Variants in KIAA1217 observed in about 807,000 individuals in gnomAD.
KIAA1217 encodes the protein sickle tail protein homolog.
KIAA1217 carries 88 observed loss-of-function variants against 163.9 expected under a neutral mutation model. The observed-to-expected ratio is 0.54, with a 90% confidence interval of 0.45 to 0.64. KIAA1217 has a LOEUF of 0.64. Ranked by LOEUF, KIAA1217 falls within the 30% of genes least tolerant of loss-of-function variation. The pLI is 0.00. For missense variants in KIAA1217, 2,372 were observed against 2,475.0 expected, an observed-to-expected ratio of 0.96 and a Z score of 0.88; for synonymous variants, 903 against 923.1, an observed-to-expected ratio of 0.98 and a Z score of 0.39.
At chr10:24,375,724 C>G (rs1330886501) in intron 2 of KIAA1217, among the ~76,000 whole-genome samples, 1 of 151,982 alleles carries the variant, frequency 6.6e-6, no homozygotes, top group African/African-American at 2.4e-5. Flanking sequence ...TTTCAAATGC[C>G]CTGTGGCAAA....
chr10:23,758,168 C>A (rs980357832), intron 1 of KIAA1217, among the ~76,000 whole-genome samples: 1 of 152,044 alleles, frequency 6.6e-6, no homozygotes, highest in Non-Finnish European at 1.5e-5. Context: ...ATGTTTTCTT[C>A]GAAGAGTTTT....
rs114959107 is a variant in KIAA1217, at chr10:23,735,927, C to T, written c.-321+40693C>T. 7.6e-3 allele frequency among the ~76,000 whole-genome samples: 1,154 copies of T among 152,308 alleles called. 16 individuals are homozygous for T. Among genetic ancestry groups the T allele is most frequent in the African/African-American group, 0.026 (1,096 of 41,554 alleles). On this transcript the variant is annotated intron_variant, in intron 1 of 18. Coordinates refer to the KIAA1217 transcript ENST00000376462. ...ATTCCCAGAAGTTTTCTCATGAACACATATTTCATTCTCTCTTGATTAAAT... is the reference window on the plus strand; with the variant it reads ...ATTCCCAGAAGTTTTCTCATGAACATATATTTCATTCTCTCTTGATTAAAT...
intron 2 of KIAA1217, among the ~76,000 whole-genome samples, chr10:24,293,402 G>T (rs2079301653): frequency 6.6e-6 from 1 of 152,122 alleles, no homozygotes; most frequent in South Asian, 2.1e-4. Flanking sequence ...ATAACCAAAT[G>T]AACTCTCTTG....
intron 5 of KIAA1217, among the ~76,000 whole-genome samples, chr10:24,455,061 A>G (rs2061663505): frequency 6.6e-6 from 1 of 151,724 alleles, no homozygotes; most frequent in Non-Finnish European, 1.5e-5. Context: ...ACCTCGGGCT[A>G]TAATTATGTT....
intron 1 of KIAA1217, among the ~76,000 whole-genome samples, chr10:23,924,480 G>A (rs567253969): frequency 2.6e-5 from 4 of 152,278 alleles, no homozygotes; most frequent in East Asian, 3.9e-4. Context: ...AGATGATACC[G>A]ATTTTGTGAC....
intron 2 of KIAA1217, among the ~76,000 whole-genome samples, chr10:24,173,053 G>A (rs2065706592): frequency 6.6e-6 from 1 of 152,178 alleles, no homozygotes; most frequent in African/African-American, 2.4e-5. Context: ...AGGGGTGAGT[G>A]GCAGGCCAGC....
intron 2 of KIAA1217, among the ~76,000 whole-genome samples, chr10:24,222,287 C>T (rs2069762348): frequency 6.6e-6 from 1 of 152,198 alleles, no homozygotes; most frequent in Non-Finnish European, 1.5e-5. Flanking sequence ...ATGAACAAGT[C>T]ACATTCTATC....
intron 1 of KIAA1217, among the ~76,000 whole-genome samples, chr10:23,891,791 C>T (rs1419419003): frequency 6.6e-6 from 1 of 151,692 alleles, no homozygotes; most frequent in Non-Finnish European, 1.5e-5. Context: ...AAATTTATTT[C>T]TCTCTGAATT....
At chr10:24,167,848 G>A (rs1036883625) in intron 2 of KIAA1217, among the ~76,000 whole-genome samples, 2 of 152,140 alleles carry the variant, frequency 1.3e-5, no homozygotes, top group Admixed American at 1.3e-4. Context: ...TTGGCATCTG[G>A]CAAAGTCCTT....
chr10:24,266,014 T>G (rs1466225262), intron 2 of KIAA1217, among the ~76,000 whole-genome samples: 1 of 151,964 alleles, frequency 6.6e-6, no homozygotes, highest in Non-Finnish European at 1.5e-5. Flanking sequence ...AGATACTTTG[T>G]TTTATACAGA....
intron 2 of KIAA1217, among the ~76,000 whole-genome samples, chr10:24,090,317 C>A (rs796165788): frequency 6.9e-6 from 1 of 144,742 alleles, no homozygotes; most frequent in African/African-American, 2.6e-5. Flanking sequence ...CAGGCATGCA[C>A]CCTCACATCC....
chr10:24,028,649 A>T (rs770551993), intron 2 of KIAA1217, among the ~76,000 whole-genome samples: 2 of 152,140 alleles, frequency 1.3e-5, no homozygotes, highest in Non-Finnish European at 2.9e-5. Context: ...CTTCAAAGGG[A>T]AATGTATTAT....
At chr10:24,209,338 G>C in intron 1 of KIAA1217, 75 bp downstream of exon 1, 1 of 1,073,256 alleles carries the variant, frequency 9.3e-7, no homozygotes, top group South Asian at 1.4e-5. Context: ...TTTATAAACT[G>C]CAGCTCTGGG....
At chr10:23,776,679 C>CT (rs34656346) in intron 1 of KIAA1217, among the ~76,000 whole-genome samples, 22,266 of 117,832 alleles carry the variant, frequency 0.19, 2,674 homozygotes, top group Middle Eastern at 0.22. Context: ...ACTGTGGGTA[C>CT]TTTTTTTTTT....
chr10:24,136,496 T>C (rs2063836808), intron 2 of KIAA1217, among the ~76,000 whole-genome samples: 1 of 152,062 alleles, frequency 6.6e-6, no homozygotes, highest in African/African-American at 2.4e-5. Flanking sequence ...GACTATAAAA[T>C]ATGAAGGCTA....
At chr10:24,493,317 T>C (rs12265701) in intron 6 of KIAA1217, among the ~76,000 whole-genome samples, 35,042 of 152,156 alleles carry the variant, frequency 0.23, 4,350 homozygotes, top group South Asian at 0.38. Context: ...CTCAGGCTCA[T>C]GCAAGGACAC....
At chr10:23,864,523 A>ACACAC in intron 1 of KIAA1217, among the ~76,000 whole-genome samples, 1 of 147,346 alleles carries the variant, frequency 6.8e-6, no homozygotes, top group South Asian at 2.2e-4. Flanking sequence ...TACACACACC[A>ACACAC]ACACACACAC....
chr10:23,841,702 C>G (rs1409101183), intron 1 of KIAA1217, among the ~76,000 whole-genome samples: 3 of 151,776 alleles, frequency 2.0e-5, no homozygotes, highest in African/African-American at 7.3e-5. Flanking sequence ...AACAGAAAAG[C>G]AGCTTAAATT....
chr10:24,390,935 T>C (rs1340309115), intron 3 of KIAA1217, among the ~76,000 whole-genome samples: 1 of 152,240 alleles, frequency 6.6e-6, no homozygotes, highest in East Asian at 1.9e-4. Context: ...AATGTTCTTG[T>C]AAAAGATCAT....
Sources: allele counts gnomAD v4.1 joint callset (sites outside exome capture counted in the v4.1 genomes callset), GRCh38; gene constraint gnomAD v4.1.1; transcripts MANE v1.5; gene names NCBI Gene and HGNC (gene_info 2026-07-23, HGNC 2026-07-21).